Variants in TTC6 observed in about 807,000 individuals in gnomAD.
TTC6 encodes tetratricopeptide repeat domain 6, also known as tetratricopeptide repeat protein 6.
TTC6 carries 172 observed loss-of-function variants against 210.4 expected under a neutral mutation model. The ratio of observed to expected loss-of-function variants is 0.82; its 90% CI spans 0.72 to 0.93. TTC6 has a LOEUF of 0.93. Among genes scored for constraint, TTC6 ranks in the 40% least tolerant of loss-of-function variants. The pLI, the probability that TTC6 is intolerant of heterozygous loss-of-function variation, is 0.00. For synonymous variants in TTC6, 804 were observed against 819.6 expected (o/e 0.98, Z 0.32); for missense variants, 2,414 against 2,318.1 (o/e 1.04, Z -0.85).
At chr14:37,662,523 G>A (rs1161488853) in intron 1 of TTC6, among the ~76,000 whole-genome samples, 1 of 152,090 alleles carries the variant, frequency 6.6e-6, no homozygotes, top group African/African-American at 2.4e-5. Flanking sequence ...TGGTCTTCTA[G>A]GGTTTTTATA....
intron 1 of TTC6, among the ~76,000 whole-genome samples, chr14:37,629,297 A>C (rs750693037): frequency 1.3e-5 from 2 of 152,150 alleles, no homozygotes; most frequent in Non-Finnish European, 2.9e-5. Context: ...AGTGGTTTGT[A>C]GTTCTCCTTG....
rs2095895496 is a variant in TTC6 at position 37,734,253 on chromosome 14, C to T, written c.1819-1668C>T. Among the ~76,000 whole-genome samples the T allele has an allele frequency of 1.3e-5, 2 of 152,158 alleles. 1 individual carries two copies. The highest frequency in any genetic ancestry group is 4.1e-4 in the South Asian group (2 of 4,834). ...TGCATGAAAGTTGATTCCTTCCACC[C>T]ACTTTTAATCTGAGGGTGTACCCCT... On this transcript the variant is annotated intron_variant, in intron 7 of 30. Coordinates refer to ENST00000553443, the Ensembl canonical transcript of TTC6.
At position 37,712,779 on chromosome 14, in the gene TTC6, C is replaced by G. The variant is rs147339367; in HGVS notation, c.1572-1876C>G. Among the ~76,000 whole-genome samples the G allele has an allele frequency of 4.6e-5, 7 of 152,236 alleles. No homozygotes were observed. The East Asian group carries it at 1.4e-3, about 29-fold the overall frequency. On this transcript the variant is annotated intron_variant, in intron 5 of 30. Coordinates refer to ENST00000553443, the Ensembl canonical transcript of TTC6. ...GTAATTCAATTACCTCCCACCGGGTCCCTCCCACAACACATGGGCATTATG... is the reference window on the plus strand; with the variant it reads ...GTAATTCAATTACCTCCCACCGGGTGCCTCCCACAACACATGGGCATTATG...
chr14:37,749,919 T>C, intron 12 of TTC6, 76 bp downstream of exon 14: 1 of 1,016,324 alleles, frequency 9.8e-7, no homozygotes, highest in Non-Finnish European at 1.3e-6. Context: ...ACTATAAGGA[T>C]ACATAAATCA....
intron 23 of TTC6, among the ~76,000 whole-genome samples, chr14:37,808,370 G>A (rs937384662): frequency 2.0e-5 from 3 of 152,182 alleles, no homozygotes; most frequent in Non-Finnish European, 4.4e-5. Context: ...AGTGACAGAA[G>A]CAAGCAAGCA....
intron 9 of TTC6, among the ~76,000 whole-genome samples, chr14:37,738,204 ATT>A: frequency 6.7e-6 from 1 of 150,282 alleles, no homozygotes; most frequent in Admixed American, 6.6e-5. Context: ...AAATAATATT[ATT>A]AAAAATTAAG....
chr14:37,820,247 A>G (rs2096152265), intron 26 of TTC6, among the ~76,000 whole-genome samples: 1 of 151,782 alleles, frequency 6.6e-6, no homozygotes, highest in Non-Finnish European at 1.5e-5. Context: ...CAGCACTTTC[A>G]CCTCCCTGGA....
At chr14:37,787,510 A>C in exon 15 of TTC6, 1 of 1,530,014 alleles carries the variant, frequency 6.5e-7, no homozygotes, top group Non-Finnish European at 8.7e-7. Flanking sequence ...AATTTTATAA[A>C]GAAGCAACTC....
intron 15 of TTC6, among the ~76,000 whole-genome samples, chr14:37,788,483 T>G (rs925511769): frequency 5.9e-5 from 9 of 152,132 alleles, no homozygotes; most frequent in African/African-American, 2.2e-4. Context: ...CCTTCTGAGG[T>G]CACCCTTCTA....
chr14:37,788,668 C>G (rs1361072357), intron 15 of TTC6, among the ~76,000 whole-genome samples: 1 of 152,046 alleles, frequency 6.6e-6, no homozygotes. Flanking sequence ...CTTTGCCCAC[C>G]CTCACTTCTG....
chr14:37,725,027 T>C, intron 7 of TTC6, 25 bp downstream of exon 9: 1 of 1,263,358 alleles, frequency 7.9e-7, no homozygotes, highest in Non-Finnish European at 1.1e-6. Flanking sequence ...GGGTTTTCTC[T>C]ATTATTGTTG....
intron 1 of TTC6, among the ~76,000 whole-genome samples, chr14:37,659,540 A>T (rs1247531519): frequency 8.1e-6 from 1 of 123,644 alleles, no homozygotes; most frequent in East Asian, 2.1e-4. Context: ...TTTTATTTTA[A>T]TTTTGAGATG....
chr14:37,746,698 T>C (rs1398679927), intron 10 of TTC6, among the ~76,000 whole-genome samples: 1 of 152,036 alleles, frequency 6.6e-6, no homozygotes, highest in Non-Finnish European at 1.5e-5. Context: ...TGTGGCTCCA[T>C]GAGAGGGTTT....
At chr14:37,773,360 A>G (rs11156969) in intron 14 of TTC6, among the ~76,000 whole-genome samples, 133,817 of 152,172 alleles carry the variant, frequency 0.88, 59,446 homozygotes, top group Non-Finnish European at 0.95. Context: ...GTCCAGAATG[A>G]TATTTACTAG....
At chr14:37,656,025 C>T (rs953287080) in intron 1 of TTC6, among the ~76,000 whole-genome samples, 8 of 152,162 alleles carry the variant, frequency 5.3e-5, no homozygotes, top group Non-Finnish European at 1.2e-4. Flanking sequence ...ACAGTACCTT[C>T]TTTTGCTAAT....
At chr14:37,601,565 T>C (rs1048663321) in intron 1 of TTC6, among the ~76,000 whole-genome samples, 2 of 152,086 alleles carry the variant, frequency 1.3e-5, no homozygotes, top group African/African-American at 2.4e-5. Flanking sequence ...AACAAAGGTT[T>C]TGTGGAATGA....
chr14:37,740,024 C>T (rs372999578), intron 10 of TTC6, among the ~76,000 whole-genome samples: 18 of 151,790 alleles, frequency 1.2e-4, no homozygotes, highest in Middle Eastern at 3.4e-3. Context: ...ATTACCCAGG[C>T]GTGATGGTGG....
exon 9 of TTC6, chr14:37,737,727 A>G: frequency 2.0e-6 from 3 of 1,497,264 alleles, no homozygotes; most frequent in Non-Finnish European, 1.8e-6. Context: ...CAACCTACAC[A>G]ACTAAGGGTA....
intron 14 of TTC6, among the ~76,000 whole-genome samples, chr14:37,756,002 ATTTG>A (rs986650961): frequency 7.9e-5 from 12 of 152,078 alleles, no homozygotes; most frequent in African/African-American, 2.9e-4. Context: ...ATGTTTTGCC[ATTTG>A]TTTGTCTCCT....
Sources: gnomAD v4.1 joint callset for allele counts (sites outside exome capture counted in the v4.1 genomes callset) on GRCh38, gnomAD v4.1.1 for gene constraint, MANE v1.5 for transcripts, NCBI Gene and HGNC (gene_info 2026-07-23, HGNC 2026-07-21) for gene names.